Variants in RYR2 observed in about 807,000 individuals in gnomAD.
RYR2 encodes the protein ryanodine receptor 2.
A neutral mutation model predicts 601.1 loss-of-function variants in RYR2; 227 were observed. The ratio of observed to expected loss-of-function variants is 0.38; its 90% CI spans 0.34 to 0.42. The LOEUF (loss-of-function observed/expected upper bound fraction) is 0.42. Ranked by LOEUF, RYR2 falls within the 10% of genes least tolerant of loss-of-function variation. The pLI, the probability that RYR2 is intolerant of heterozygous loss-of-function variation, is 1.00. For synonymous variants in RYR2, 2,223 were observed against 2,175.1 expected (o/e 1.02, Z -0.61); for missense variants, 4,646 against 6,156.5 (o/e 0.75, Z 8.21).
rs768791581 is a variant in RYR2 at position 237,819,019 on chromosome 1, C to G, written c.14434-17C>G. The G allele has an allele frequency of 1.7e-5, 27 of 1,598,358 alleles. No homozygotes were observed. Among genetic ancestry groups the G allele is most frequent in the Non-Finnish European group, 2.2e-5 (26 of 1,168,900 alleles). ...GGTAATGTCCCTCCAAGAAGTGATA[C>G]CATGTCTTTTTTCCAGTGCTATATG... On this transcript the variant is annotated splice_polypyrimidine_tract_variant and intron_variant, in intron 100 of 104. Coordinates refer to ENST00000366574, the MANE Select transcript of RYR2 (RefSeq NM_001035.3). The surrounding 1 kb of genome is among the most constrained non-coding windows in gnomAD (Gnocchi z 4.0).
chr1:237,775,243 C>A (rs757612097), intron 87 of RYR2, among the ~76,000 whole-genome samples: 1 of 152,126 alleles, frequency 6.6e-6, no homozygotes, highest in Non-Finnish European at 1.5e-5. Flanking sequence ...ATGATTCACC[C>A]AGCTTTCCCC....
chr1:237,201,712 G>A (rs142112088), intron 1 of RYR2, among the ~76,000 whole-genome samples: 21 of 152,156 alleles, frequency 1.4e-4, no homozygotes, highest in Middle Eastern at 3.4e-3. Flanking sequence ...ACTGGATGAG[G>A]GGCTCCCAGG....
intron 39 of RYR2, among the ~76,000 whole-genome samples, 164 bp from the exon 40 acceptor site, chr1:237,625,497 G>GA (rs1679550565): frequency 6.6e-6 from 1 of 152,186 alleles, no homozygotes. Flanking sequence ...GCTGACCAGT[G>GA]AATGTTATTT....
At chr1:237,226,769 T>C (rs1684408228) in intron 1 of RYR2, among the ~76,000 whole-genome samples, 1 of 152,068 alleles carries the variant, frequency 6.6e-6, no homozygotes, top group Non-Finnish European at 1.5e-5. Flanking sequence ...AGTGGTTTTT[T>C]TGGTTTATTT....
intron 17 of RYR2, among the ~76,000 whole-genome samples, chr1:237,474,580 A>G (rs10925430): frequency 0.5 from 75,629 of 151,696 alleles, 19,974 homozygotes; most frequent in East Asian, 0.7. Flanking sequence ...TAGAAGCTGA[A>G]AAGCAAAATT....
intron 3 of RYR2, among the ~76,000 whole-genome samples, chr1:237,342,251 G>T (rs977495126): frequency 6.6e-6 from 1 of 151,556 alleles, no homozygotes; most frequent in African/African-American, 2.4e-5. Context: ...GGGTCTCAAG[G>T]GATCTTCCTG....
rs3736543 is a variant in RYR2, at chr1:237,635,150, G to A, written c.6792+158G>A. 0.29 allele frequency among the ~76,000 whole-genome samples: 43,629 copies of A among 152,040 alleles called. 6,427 individuals are homozygous for A. Among genetic ancestry groups the A allele is most frequent in the East Asian group, 0.42 (2,154 of 5,174 alleles). On this transcript the variant is annotated intron_variant, in intron 44 of 104. Coordinates refer to ENST00000366574, the MANE Select transcript of RYR2 (RefSeq NM_001035.3). ...AATTAATTTTGCACCAACACAATAT[G>A]TTCTAGTGCTATTAGAATTAAAGTA...
At position 237,544,055 on chromosome 1, in the gene RYR2, C is replaced by A. The variant is rs183421588; in HGVS notation, c.2907-4376C>A. ...TGCTATCGGGAAAGCAAAGCCTAAA[C>A]TGTTAGGTATTTGATTACTCTCAAT... is the stretch of plus-strand genomic sequence containing the variant. On this transcript the variant is annotated intron_variant, in intron 25 of 104. Transcript: ENST00000366574. Among the ~76,000 whole-genome samples, 8 of 152,226 alleles carry A rather than the reference C, an allele frequency of 5.3e-5. No homozygotes were observed. The East Asian group carries it at 1.4e-3, about 26-fold the overall frequency.
chr1:237,793,021 C>T (rs1201913539), intron 94 of RYR2, among the ~76,000 whole-genome samples: 1 of 152,198 alleles, frequency 6.6e-6, no homozygotes, highest in Non-Finnish European at 1.5e-5. Context: ...AAGATAATCT[C>T]TCTGAGTGCT....
intron 90 of RYR2, 170 bp downstream of exon 90, chr1:237,785,142 T>C: frequency 1.6e-6 from 1 of 631,244 alleles, no homozygotes; most frequent in Non-Finnish European, 2.8e-6. Context: ...TAAGAGTCCT[T>C]ATGAATTATT....
chr1:237,648,671 T>A, intron 49 of RYR2, 58 bp downstream of exon 49: 1 of 1,511,846 alleles, frequency 6.6e-7, no homozygotes, highest in South Asian at 1.3e-5. Flanking sequence ...TGCCTTATGA[T>A]GTTCTTTTTT....
At chr1:237,373,171 CAT>C (rs1371579734) in intron 6 of RYR2, among the ~76,000 whole-genome samples, 1 of 152,138 alleles carries the variant, frequency 6.6e-6, no homozygotes, top group African/African-American at 2.4e-5. Flanking sequence ...AGTCTATAAA[CAT>C]AGGGGATTAT....
chr1:237,616,611 T>C (rs1678497341), intron 37 of RYR2, among the ~76,000 whole-genome samples: 4 of 152,138 alleles, frequency 2.6e-5, no homozygotes, highest in African/African-American at 7.2e-5. Flanking sequence ...TAGTCTCTTA[T>C]CACTGATGGA....
chr1:237,689,281 TAAAA>T (rs1686726146), intron 63 of RYR2, among the ~76,000 whole-genome samples: 2 of 151,888 alleles, frequency 1.3e-5, no homozygotes, highest in Non-Finnish European at 2.9e-5. Flanking sequence ...TACAAGCAAA[TAAAA>T]AGAACAACTT....
chr1:237,081,667 C>T (rs1300280141), intron 1 of RYR2, among the ~76,000 whole-genome samples: 2 of 151,968 alleles, frequency 1.3e-5, no homozygotes, highest in East Asian at 3.9e-4. Context: ...AATATTCCAT[C>T]CCAATGACCC....
chr1:237,433,621 A>G (rs910498994), intron 12 of RYR2, among the ~76,000 whole-genome samples: 2 of 152,140 alleles, frequency 1.3e-5, no homozygotes, highest in Non-Finnish European at 2.9e-5. Context: ...TCTGTTCTTT[A>G]AAATACATAT....
intron 17 of RYR2, among the ~76,000 whole-genome samples, chr1:237,478,781 C>T (rs774762368): frequency 1.6e-5 from 2 of 123,614 alleles, no homozygotes; most frequent in Non-Finnish European, 3.3e-5. Flanking sequence ...CCGAGGCAGG[C>T]CTTAAGGGAC....
At chr1:237,148,813 C>T (rs1437309053) in intron 1 of RYR2, among the ~76,000 whole-genome samples, 1 of 151,920 alleles carries the variant, frequency 6.6e-6, no homozygotes, top group African/African-American at 2.4e-5. Context: ...GTGTCTAGTA[C>T]ACAGTAGGCA....
At chr1:237,827,651 T>A (rs866955896) in intron 101 of RYR2, among the ~76,000 whole-genome samples, 256 of 79,232 alleles carry the variant, frequency 3.2e-3, no homozygotes, top group African/African-American at 8.6e-3. Flanking sequence ...AAAAAAAAAA[T>A]GACTTGACTG....
Sources: allele counts gnomAD v4.1 joint callset (sites outside exome capture counted in the v4.1 genomes callset), GRCh38; gene constraint gnomAD v4.1.1; non-coding constraint Gnocchi (gnomAD v3.1); transcripts MANE v1.5; gene names NCBI Gene and HGNC (gene_info 2026-07-23, HGNC 2026-07-21).